Variants in TNFRSF1B observed in about 807,000 individuals in gnomAD.
TNFRSF1B encodes the protein tumor necrosis factor receptor superfamily member 1B.
TNFRSF1B carries 19 observed loss-of-function variants against 44.6 expected under a neutral mutation model. The observed-to-expected ratio is 0.43, with a 90% CI of 0.30 to 0.62. The LOEUF is 0.62. TNFRSF1B is among the 20% of genes least tolerant of loss of function. The pLI is 0.16. For synonymous variants in TNFRSF1B, 252 were observed against 261.1 expected (o/e 0.97, Z 0.34); for missense variants, 541 against 619.9 (o/e 0.87, Z 1.35).
At chr1:12,167,550 T>C in intron 1 of TNFRSF1B, 1 of 366,348 alleles carries the variant, frequency 2.7e-6, no homozygotes. Context: ...CGACAGCCCT[T>C]CCCTCCCACG....
chr1:12,178,940 G>A lies in TNFRSF1B; in HGVS notation c.79-9856G>A, dbSNP rs559695430. Among the ~76,000 whole-genome samples, 1 of 152,246 alleles carries A rather than the reference G, an allele frequency of 6.6e-6. No individual in the cohort carries two copies. Among genetic ancestry groups the A allele is most frequent in the African/African-American group, 2.4e-5 (1 of 41,552 alleles). On this transcript the variant is annotated intron_variant, in intron 1 of 9. Coordinates refer to ENST00000376259, the MANE Select transcript of TNFRSF1B (RefSeq NM_001066.3). The surrounding 1 kb of genome is among the most constrained non-coding windows in gnomAD (Gnocchi z 4.3). ...GAAGGCTGGGAACCAAGACCAAGGA[G>A]CCTGCAGCTGGCAGGAGATGCTGAG... is the stretch of plus-strand genomic sequence containing the variant.
chr1:12,208,764 C>T lies in TNFRSF1B; in HGVS notation c.*1744C>T, dbSNP rs1639568287. On this transcript the variant is annotated 3_prime_UTR_variant, in exon 10 of 10. Transcript: ENST00000376259. ...GAGGGTGGGAGAGCCCAGCCATTAC[C>T]ATGGAGACAAGAAGGGTTTTCCACC... 6.6e-6 allele frequency: 1 copy of T among 152,204 alleles called. No individual in the cohort carries two copies. Among genetic ancestry groups the T allele is most frequent in the African/African-American group, 2.4e-5 (1 of 41,442 alleles). 9.4% of individuals were successfully genotyped at this position (152,204 alleles called of 1,614,324 possible). A position where few individuals can be genotyped will look rare whatever the true frequency, so the allele number is the denominator to read the frequency against.
rs77209231 is a variant in TNFRSF1B at position 12,180,152 on chromosome 1, G to A, written c.79-8644G>A. On this transcript the variant is annotated intron_variant, in intron 1 of 9. Coordinates refer to ENST00000376259, the MANE Select transcript of TNFRSF1B (RefSeq NM_001066.3). The surrounding 1 kb of genome is among the most constrained non-coding windows in gnomAD (Gnocchi z 4.3). ...GGAACATTGAAAAGCCATGAAGGCCGGGCACAGCGGCTCACGCCTGTAATC... is the reference window on the plus strand; with the variant it reads ...GGAACATTGAAAAGCCATGAAGGCCAGGCACAGCGGCTCACGCCTGTAATC... Among the ~76,000 whole-genome samples, 184 of 152,244 alleles carry A rather than the reference G, an allele frequency of 1.2e-3. 1 individual carries two copies. The East Asian group carries it at 0.028, about 23-fold the overall frequency.
rs1638412728 is a variant in TNFRSF1B, at chr1:12,167,267, C to T, written c.78+98C>T. 7.4e-6 allele frequency: 7 copies of T among 943,326 alleles called. No individual in the cohort carries two copies. In the South Asian group the frequency reaches 2.1e-4, roughly 29 times the overall value. 58.4% of individuals were successfully genotyped at this position (943,326 alleles called of 1,614,324 possible). A position where few individuals can be genotyped will look rare whatever the true frequency, so the allele number is the denominator to read the frequency against. ...GCCCGGGCCGCGCTCTCCCGGGGCG[C>T]TGTCACGGGCTGGGAGGCTGGGAGT... On this transcript the variant is annotated intron_variant, in intron 1 of 9. Coordinates refer to ENST00000376259, the MANE Select transcript of TNFRSF1B (RefSeq NM_001066.3).
chr1:12,188,978 C>T, intron 2 of TNFRSF1B, 83 bp downstream of exon 2: 1 of 1,214,680 alleles, frequency 8.2e-7, no homozygotes, highest in Non-Finnish European at 1.2e-6. Context: ...GAGCATAGCC[C>T]TTGATTCTTA....
rs926739864 is a variant in TNFRSF1B, at chr1:12,194,732, G to A, written c.900+114G>A. 15 of 1,364,818 alleles carry A rather than the reference G, an allele frequency of 1.1e-5. No individual in the cohort carries two copies. The Admixed American group carries it at 2.3e-4, about 21-fold the overall frequency. 84.5% of individuals were successfully genotyped at this position (1,364,818 alleles called of 1,614,324 possible). A position where few individuals can be genotyped will look rare whatever the true frequency, so the allele number is the denominator to read the frequency against. ...ATTGGTCTGTCCAGTGTCAGGAGGT[G>A]TGCAGAGCCCTGGGAGGTGGAGGAA... On this transcript the variant is annotated intron_variant, in intron 8 of 9. Transcript: ENST00000376259.
At chr1:12,189,504 CA>C (rs774889592) in intron 2 of TNFRSF1B, among the ~76,000 whole-genome samples, 34 of 152,328 alleles carry the variant, frequency 2.2e-4, no homozygotes, top group Middle Eastern at 3.4e-3. Flanking sequence ...ACCTGAGGCC[CA>C]GCCACAGTTG....
At chr1:12,200,955 T>C (rs1288841506) in intron 8 of TNFRSF1B, among the ~76,000 whole-genome samples, 1 of 151,952 alleles carries the variant, frequency 6.6e-6, no homozygotes, top group East Asian at 1.9e-4. Context: ...TTTCAACCAT[T>C]TAAAACATGA....
At position 12,180,361 on chromosome 1, in the gene TNFRSF1B, G is replaced by A. The variant is rs918711312; in HGVS notation, c.79-8435G>A. On this transcript the variant is annotated intron_variant, in intron 1 of 9. Transcript: ENST00000376259. This position sits in a 1 kb window ranked among gnomAD's most constrained non-coding sequence, Gnocchi z 4.3. ...GAGCAGAGGGCACCACAGATGCCGT[G>A]CTTTCAGCTTTTTCCTTCTCCTCCA... is the stretch of plus-strand genomic sequence containing the variant. Among the ~76,000 whole-genome samples, 2 of 152,206 alleles carry A rather than the reference G, an allele frequency of 1.3e-5. No individual in the cohort carries two copies. Among genetic ancestry groups the A allele is most frequent in the African/African-American group, 4.8e-5 (2 of 41,450 alleles).
intron 2 of TNFRSF1B, 108 bp downstream of exon 2, chr1:12,189,003 C>G (rs759774121): frequency 6.5e-6 from 6 of 929,592 alleles, no homozygotes; most frequent in Non-Finnish European, 9.6e-6. Context: ...ACTCCTAGTT[C>G]TATGCACTGG....
Position 12,186,301 on chromosome 1 carries a change from G to A in TNFRSF1B, c.79-2495G>A, listed in dbSNP as rs1266513622. Among the ~76,000 whole-genome samples the A allele has an allele frequency of 6.6e-6, 1 of 152,214 alleles. No individual in the cohort carries two copies. Among genetic ancestry groups the A allele is most frequent in the Non-Finnish European group, 1.5e-5 (1 of 68,032 alleles). ...GCTCAGCAGGCCCAAACTCTGGGCA[G>A]TCCTGACTCCCAGGCAGTGCTGTGA... On this transcript the variant is annotated intron_variant, in intron 1 of 9. Transcript: ENST00000376259. This position sits in a 1 kb window ranked among gnomAD's most constrained non-coding sequence, Gnocchi z 4.8.
At chr1:12,188,062 G>A (rs1227413737) in intron 1 of TNFRSF1B, among the ~76,000 whole-genome samples, 1 of 152,182 alleles carries the variant, frequency 6.6e-6, no homozygotes, top group East Asian at 1.9e-4. Flanking sequence ...TTCAAAAATG[G>A]CAACGATTGT....
At chr1:12,174,319 C>T (rs1638603864) in intron 1 of TNFRSF1B, among the ~76,000 whole-genome samples, 1 of 151,698 alleles carries the variant, frequency 6.6e-6, no homozygotes. Flanking sequence ...GTGATCTTGG[C>T]TCACTGCAAC....
Position 12,194,579 on chromosome 1 carries a change from T to C in TNFRSF1B, c.866-5T>C, listed in dbSNP as rs1342386708. ...TCTCTTACTTGTCCCCTCTCCTCTT[T>C]ATAGAGAAGCCCTTGTGCCTGCAGA... On this transcript the variant is annotated splice_region_variant and splice_polypyrimidine_tract_variant and intron_variant, in intron 7 of 9. Transcript: ENST00000376259. 1 of 1,613,988 alleles carries C rather than the reference T, an allele frequency of 6.2e-7. No homozygotes were observed.
chr1:12,192,705 G>T (rs1010277883), intron 5 of TNFRSF1B, among the ~76,000 whole-genome samples, 158 bp from the exon 6 acceptor site: 4 of 151,610 alleles, frequency 2.6e-5, no homozygotes, highest in East Asian at 3.9e-4. Context: ...GACTGGGTGG[G>T]TGCATGGGGA....
intron 3 of TNFRSF1B, among the ~76,000 whole-genome samples, chr1:12,191,413 G>C (rs566176180): frequency 1.6e-4 from 25 of 152,118 alleles, no homozygotes; most frequent in Non-Finnish European, 2.8e-4. Context: ...GGGACTGCGG[G>C]GAAGAGCGGG....
rs235248 is a variant in TNFRSF1B, at chr1:12,199,316, T to C, written c.901-2651T>C. 0.019 allele frequency among the ~76,000 whole-genome samples: 2,839 copies of C among 152,296 alleles called. 90 individuals carry two copies. The highest frequency in any genetic ancestry group is 0.064 in the African/African-American group (2,672 of 41,566). On this transcript the variant is annotated intron_variant, in intron 8 of 9. Coordinates refer to ENST00000376259, the MANE Select transcript of TNFRSF1B (RefSeq NM_001066.3). The surrounding 1 kb of genome is among the most constrained non-coding windows in gnomAD (Gnocchi z 4.0). The stretch of plus-strand genomic sequence containing the variant: ...GGGCAGTGACCAGGGTCAGACCACC[T>C]GGGCGGAGGTTCAGCATGAACTTGC...
At chr1:12,201,098 G>A (rs759026148) in intron 8 of TNFRSF1B, among the ~76,000 whole-genome samples, 3 of 151,498 alleles carry the variant, frequency 2.0e-5, no homozygotes, top group Admixed American at 6.6e-5. Flanking sequence ...ACAAACAATC[G>A]ACAACAAAAA....
chr1:12,176,909 G>A (rs948042115), intron 1 of TNFRSF1B, among the ~76,000 whole-genome samples: 1 of 152,162 alleles, frequency 6.6e-6, no homozygotes, highest in Admixed American at 6.5e-5. Context: ...TAGGAGGTGA[G>A]GAGCATGCTC....
Sources: allele counts gnomAD v4.1 joint callset (sites outside exome capture counted in the v4.1 genomes callset), GRCh38; gene constraint gnomAD v4.1.1; non-coding constraint Gnocchi (gnomAD v3.1); transcripts MANE v1.5; gene names NCBI Gene and HGNC (gene_info 2026-07-23, HGNC 2026-07-21).